ARHGAP20: variants seen among roughly 807,000 people sequenced by gnomAD.
ARHGAP20 encodes the protein rho GTPase-activating protein 20.
Under a neutral mutation model 73.7 loss-of-function variants are expected in ARHGAP20, and 34 were observed. That is an observed-to-expected ratio of 0.46 (90% CI 0.35 to 0.61). The LOEUF is 0.61. Among genes scored for constraint, ARHGAP20 ranks in the 20% least tolerant of loss-of-function variants. The pLI, the probability that ARHGAP20 is intolerant of heterozygous loss-of-function variation, is 0.00. For synonymous variants in ARHGAP20, 523 were observed against 518.2 expected (o/e 1.01, Z -0.13); for missense variants, 1,314 against 1,420.9 (o/e 0.92, Z 1.21).
At chr11:110,651,070 A>T (rs1949342381) in intron 2 of ARHGAP20, among the ~76,000 whole-genome samples, 1 of 152,212 alleles carries the variant, frequency 6.6e-6, no homozygotes, top group Non-Finnish European at 1.5e-5. Context: ...ATTAGAACTC[A>T]AGATTAAGAA....
rs949354737 is a variant in ARHGAP20, at chr11:110,609,129, G to C, written c.709-79C>G. On this transcript the variant is annotated intron_variant, in intron 7 of 14. Transcript: ENST00000683387. ...AATGAGGACACATTTTTTTTTTTTG[G>C]TTATGTGTCCTCCCTCCTGCCCCCT... The C allele has an allele frequency of 3.2e-4, 340 of 1,077,932 alleles. 2 individuals carry two copies. In the East Asian group the frequency reaches 7.8e-3, roughly 25 times the overall value. The allele number at this position is 1,077,932 out of a possible 1,614,324, so 66.8% of individuals were successfully genotyped here. A position where few individuals can be genotyped will look rare whatever the true frequency, so the allele number is the denominator to read the frequency against.
Position 110,578,984 on chromosome 11 carries a change from T to C in ARHGAP20, c.*386A>G, listed in dbSNP as rs532874637. ...GAATGTAGATGGTTTCTCTGTACCC[T>C]TCCCCTCTCTCCTCAGGCCCCTATT... On this transcript the variant is annotated 3_prime_UTR_variant, in exon 15 of 15. Transcript: ENST00000683387. 2.0e-5 allele frequency: 20 copies of C among 992,814 alleles called. No homozygotes were observed. Among genetic ancestry groups the C allele is most frequent in the Non-Finnish European group, 2.4e-5 (20 of 834,136 alleles). The allele number at this position is 992,814 out of a possible 1,614,324, so 61.5% of individuals were successfully genotyped here. A position where few individuals can be genotyped will look rare whatever the true frequency, so the allele number is the denominator to read the frequency against.
intron 2 of ARHGAP20, among the ~76,000 whole-genome samples, chr11:110,658,093 T>G (rs1949512389): frequency 6.6e-6 from 1 of 152,146 alleles, no homozygotes; most frequent in African/African-American, 2.4e-5. Flanking sequence ...TATGTGACTT[T>G]GGATAGTTGA....
chr11:110,666,114 G>A (rs540261981), intron 2 of ARHGAP20, among the ~76,000 whole-genome samples: 3 of 152,132 alleles, frequency 2.0e-5, no homozygotes, highest in Non-Finnish European at 4.4e-5. Flanking sequence ...TAAGAACTGT[G>A]CCATTTACAA....
chr11:110,652,534 A>G (rs2135018380), intron 2 of ARHGAP20, among the ~76,000 whole-genome samples: 1 of 152,298 alleles, frequency 6.6e-6, no homozygotes, highest in East Asian at 1.9e-4. Flanking sequence ...AACTTCAGCA[A>G]AGTCTTCAGG....
chr11:110,639,100 G>A lies in ARHGAP20; in HGVS notation c.189-8308C>T, dbSNP rs1361693168. ...AAATAACTGAGCATCTATATGTACT[G>A]TCTAGACACTGTGCTATATTAACAT... On this transcript the variant is annotated intron_variant, in intron 2 of 14. Transcript: ENST00000683387. 3.3e-5 allele frequency among the ~76,000 whole-genome samples: 5 copies of A among 151,910 alleles called. No homozygotes were observed. In the South Asian group the frequency reaches 1.0e-3, roughly 32 times the overall value.
intron 2 of ARHGAP20, among the ~76,000 whole-genome samples, chr11:110,686,781 T>C (rs1950140566): frequency 6.6e-6 from 1 of 151,934 alleles, no homozygotes; most frequent in Admixed American, 6.6e-5. Context: ...TGTATCCCAC[T>C]CCAGAATACC....
intron 3 of ARHGAP20, among the ~76,000 whole-genome samples, chr11:110,625,028 T>TTATTTATTTA (rs758965280): frequency 8.8e-6 from 1 of 114,152 alleles, no homozygotes; most frequent in Admixed American, 7.7e-5. Flanking sequence ...TTATTTTTAT[T>TTATTTATTTA]TTTATTTTTT....
At chr11:110,705,749 G>GC (rs1950542306) in intron 1 of ARHGAP20, among the ~76,000 whole-genome samples, 1 of 152,082 alleles carries the variant, frequency 6.6e-6, no homozygotes, top group Non-Finnish European at 1.5e-5. Flanking sequence ...AGTTTCAACT[G>GC]GGTTTCCACA....
rs34455752 is a variant in ARHGAP20, at chr11:110,689,961, CA to C, written c.188+585del. Among the ~76,000 whole-genome samples the C allele has an allele frequency of 7.0e-3, 917 of 131,632 alleles. 1 individual carries two copies. Among genetic ancestry groups the C allele is most frequent in the African/African-American group, 9.6e-3 (342 of 35,642 alleles). The allele number at this position is 131,632 out of a possible 152,430, so 86.4% of individuals were successfully genotyped here. ...TTAATAAGCTTTCGCTCCTGCTCTG[CA>C]AAAAAAAAAAAAATGTCTATTTCAA... On this transcript the variant is annotated intron_variant, in intron 2 of 14. Transcript: ENST00000683387.
chr11:110,667,114 T>C (rs1317196765), intron 2 of ARHGAP20, among the ~76,000 whole-genome samples: 2 of 152,180 alleles, frequency 1.3e-5, no homozygotes, highest in Non-Finnish European at 2.9e-5. Context: ...ATCTAGAAAA[T>C]CTAGCTAAGA....
chr11:110,596,775 G>T (rs1331502632), intron 9 of ARHGAP20, among the ~76,000 whole-genome samples: 3 of 152,178 alleles, frequency 2.0e-5, no homozygotes, highest in Admixed American at 6.5e-5. Flanking sequence ...ATTTGACTCA[G>T]TAATCCCGTT....
At chr11:110,601,905 G>A (rs1948119772) in intron 9 of ARHGAP20, among the ~76,000 whole-genome samples, 1 of 151,554 alleles carries the variant, frequency 6.6e-6, no homozygotes, top group South Asian at 2.1e-4. Flanking sequence ...TAGGAGAATC[G>A]CTTGAACCTG....
At chr11:110,611,197 T>C in intron 7 of ARHGAP20, 112 bp downstream of exon 7, 1 of 596,482 alleles carries the variant, frequency 1.7e-6, no homozygotes, top group Non-Finnish European at 2.8e-6. Context: ...GAATAAAATA[T>C]GACTTTGGTA....
intron 2 of ARHGAP20, among the ~76,000 whole-genome samples, chr11:110,647,182 C>A (rs527799115): frequency 2.0e-5 from 3 of 151,594 alleles, no homozygotes; most frequent in African/African-American, 7.3e-5. Context: ...TGTGTGCATG[C>A]GCGCACATGC....
At chr11:110,598,504 C>A (rs1037230119) in intron 9 of ARHGAP20, among the ~76,000 whole-genome samples, 2 of 152,144 alleles carry the variant, frequency 1.3e-5, no homozygotes, top group African/African-American at 4.8e-5. Context: ...CTAGACTAAG[C>A]CCTGGGATGA....
chr11:110,638,359 A>T (rs1478253379), intron 2 of ARHGAP20, among the ~76,000 whole-genome samples: 1 of 152,072 alleles, frequency 6.6e-6, no homozygotes. Context: ...AAATAAAAAA[A>T]TGAAATTCAA....
At chr11:110,612,188 G>C (rs1057051035) in intron 6 of ARHGAP20, among the ~76,000 whole-genome samples, 1 of 151,988 alleles carries the variant, frequency 6.6e-6, no homozygotes, top group African/African-American at 2.4e-5. Context: ...GGAGGCCGAG[G>C]TGGGCGGGTC....
chr11:110,599,490 G>C (rs1171213672), intron 9 of ARHGAP20, among the ~76,000 whole-genome samples: 1 of 152,200 alleles, frequency 6.6e-6, no homozygotes, highest in Non-Finnish European at 1.5e-5. Flanking sequence ...TGCACCTATA[G>C]CCTGGGCGCC....
Sources: gnomAD v4.1 joint callset for allele counts (sites outside exome capture counted in the v4.1 genomes callset) on GRCh38, gnomAD v4.1.1 for gene constraint, MANE v1.5 for transcripts, NCBI Gene and HGNC (gene_info 2026-07-23, HGNC 2026-07-21) for gene names.